B3GLCT: variants seen among roughly 807,000 people sequenced by gnomAD.
B3GLCT encodes the protein beta 3-glucosyltransferase.
In B3GLCT, 65 loss-of-function variants were observed where a neutral mutation model predicts 63.4. That is an observed-to-expected ratio of 1.03 (90% CI 0.84 to 1.26). The LOEUF is 1.26. Ranked by LOEUF, B3GLCT falls within the 50% of genes most tolerant of loss-of-function variation. The pLI is 0.00. For missense variants in B3GLCT, 577 were observed against 604.8 expected, an observed-to-expected ratio of 0.95 and a Z score of 0.48; for synonymous variants, 233 against 219.2, an observed-to-expected ratio of 1.06 and a Z score of -0.55.
At chr13:31,256,836 G>A (rs1871769450) in intron 6 of B3GLCT, among the ~76,000 whole-genome samples, 1 of 151,954 alleles carries the variant, frequency 6.6e-6, no homozygotes, top group Admixed American at 6.6e-5. Flanking sequence ...ACAGGTTGAT[G>A]GGTGCAGCAA....
At chr13:31,219,983 C>T (rs563720941) in intron 2 of B3GLCT, among the ~76,000 whole-genome samples, 1 of 152,328 alleles carries the variant, frequency 6.6e-6, no homozygotes, top group African/African-American at 2.4e-5. Flanking sequence ...GTTCAACCTA[C>T]AACACAATCC....
intron 12 of B3GLCT, among the ~76,000 whole-genome samples, chr13:31,290,018 C>A (rs558342041): frequency 6.6e-6 from 1 of 152,214 alleles, no homozygotes; most frequent in South Asian, 2.1e-4. Flanking sequence ...CCTCCCCTAG[C>A]CACCCCACCT....
chr13:31,321,026 T>A (rs1448833487), intron 13 of B3GLCT, among the ~76,000 whole-genome samples: 1 of 152,272 alleles, frequency 6.6e-6, no homozygotes, highest in Non-Finnish European at 1.5e-5. Context: ...TTTACTTTTC[T>A]ATTTTCCACT....
intron 6 of B3GLCT, among the ~76,000 whole-genome samples, chr13:31,248,981 C>T (rs1055803856): frequency 6.6e-6 from 1 of 152,172 alleles, no homozygotes; most frequent in Non-Finnish European, 1.5e-5. Flanking sequence ...ACAACCTGAT[C>T]ACTTTTTGGA....
At chr13:31,247,360 TCTGCCTCATGGGTTCAAGCAATTCC>T (rs1871243535) in intron 5 of B3GLCT, among the ~76,000 whole-genome samples, 2 of 152,124 alleles carry the variant, frequency 1.3e-5, no homozygotes, top group African/African-American at 4.8e-5. Flanking sequence ...TCCTGCAAGC[TCTGCCTCATGGGTTCAAGCAATTCC>T]CTGCCTCAGC....
chr13:31,201,209 C>T (rs1655010036), intron 1 of B3GLCT, among the ~76,000 whole-genome samples: 1 of 152,034 alleles, frequency 6.6e-6, no homozygotes, highest in Non-Finnish European at 1.5e-5. Flanking sequence ...AAAGACGTAG[C>T]GTTATTGCGC....
In B3GLCT at chr13:31,228,090, G is replaced by A. The variant is rs7326021; in HGVS notation, c.161-1095G>A. ...TACTCGGGTTTCCTTCCTGTTCGCC[G>A]TTGTAAAAAGCTGGCTGCCTTCAGG... On this transcript the variant is annotated intron_variant, in intron 3 of 14. Coordinates refer to ENST00000343307, the MANE Select transcript of B3GLCT (RefSeq NM_194318.4). Among the ~76,000 whole-genome samples, 817 of 152,300 alleles carry A rather than the reference G, an allele frequency of 5.4e-3. 11 individuals carry two copies. Among genetic ancestry groups the A allele is most frequent in the African/African-American group, 0.019 (794 of 41,554 alleles).
At position 31,281,058 on chromosome 13, in the gene B3GLCT, C is replaced by G. The variant is rs571258316; in HGVS notation, c.851-3590C>G. ...CTGTGTGACCTGAGCTGTCAGAAAACCTTAAGAATTTTCTTTGCATCATTT... is the reference window on the plus strand; with the variant it reads ...CTGTGTGACCTGAGCTGTCAGAAAAGCTTAAGAATTTTCTTTGCATCATTT... On this transcript the variant is annotated intron_variant, in intron 10 of 14. Coordinates refer to ENST00000343307, the MANE Select transcript of B3GLCT (RefSeq NM_194318.4). Among the ~76,000 whole-genome samples the G allele has an allele frequency of 2.0e-5, 3 of 152,220 alleles. No individual in the cohort carries two copies. In the East Asian group the frequency reaches 5.8e-4, roughly 29 times the overall value.
chr13:31,241,497 T>C (rs1870941775), intron 4 of B3GLCT, among the ~76,000 whole-genome samples: 1 of 152,090 alleles, frequency 6.6e-6, no homozygotes, highest in Admixed American at 6.6e-5. Context: ...TGTAGGTCAC[T>C]GTAGACTGTG....
chr13:31,240,411 A>G (rs1193683069), intron 4 of B3GLCT, among the ~76,000 whole-genome samples: 11 of 151,934 alleles, frequency 7.2e-5, no homozygotes, highest in Admixed American at 7.2e-4. Flanking sequence ...TGCTGTTTGC[A>G]GAAAGTTTTG....
At chr13:31,213,030 GTGTGTGCACGCGTGCGCGTGTGTGTGTA>G (rs1223223448) in intron 1 of B3GLCT, among the ~76,000 whole-genome samples, 2 of 150,418 alleles carry the variant, frequency 1.3e-5, no homozygotes, top group African/African-American at 5.0e-5. Context: ...GTGTGTGTGT[GTGTGTGCACGCGTGCGCGTGTGTGTGTA>G]TGTGTGTGTA....
intron 8 of B3GLCT, among the ~76,000 whole-genome samples, chr13:31,271,717 T>A (rs1872580639): frequency 6.6e-6 from 1 of 152,220 alleles, no homozygotes; most frequent in Non-Finnish European, 1.5e-5. Flanking sequence ...TATTTTCTTC[T>A]TTACTTCATT....
chr13:31,238,517 G>A (rs927952512), intron 4 of B3GLCT, among the ~76,000 whole-genome samples: 2 of 152,210 alleles, frequency 1.3e-5, no homozygotes, highest in African/African-American at 2.4e-5. Context: ...ATCATTCTAA[G>A]TTGCTCTGTC....
intron 12 of B3GLCT, among the ~76,000 whole-genome samples, chr13:31,298,075 C>T (rs1593305937): frequency 6.6e-6 from 1 of 152,190 alleles, no homozygotes; most frequent in South Asian, 2.1e-4. Flanking sequence ...TTTCCCCTCC[C>T]AGGAGATTGG....
chr13:31,208,481 C>T (rs1296083850), intron 1 of B3GLCT, among the ~76,000 whole-genome samples: 1 of 152,122 alleles, frequency 6.6e-6, no homozygotes, highest in Non-Finnish European at 1.5e-5. Context: ...TGCGTATCCT[C>T]AGGACGCTGG....
At chr13:31,225,723 C>G (rs1593255939) in intron 3 of B3GLCT, among the ~76,000 whole-genome samples, 1 of 152,162 alleles carries the variant, frequency 6.6e-6, no homozygotes, top group Non-Finnish European at 1.5e-5. Context: ...CCCAAACTTT[C>G]ACTGCTCCCT....
Position 31,314,193 on chromosome 13 carries a change from G to A in B3GLCT, c.1065-3373G>A, listed in dbSNP as rs1035778435. Among the ~76,000 whole-genome samples the A allele has an allele frequency of 2.6e-5, 4 of 152,166 alleles. No individual in the cohort carries two copies. In the East Asian group the frequency reaches 7.7e-4, roughly 29 times the overall value. ...TGGGGAAGGGAAATATGAGGTCAGA[G>A]CCCCCACACAGAGTCCCTACTGGGG... On this transcript the variant is annotated intron_variant, in intron 12 of 14. Transcript: ENST00000343307.
intron 4 of B3GLCT, among the ~76,000 whole-genome samples, chr13:31,242,482 C>T (rs1424892707): frequency 6.6e-6 from 1 of 152,212 alleles, no homozygotes; most frequent in Admixed American, 6.5e-5. Context: ...TCATCACATG[C>T]TTACCACATG....
intron 6 of B3GLCT, among the ~76,000 whole-genome samples, chr13:31,258,270 A>G (rs1477762536): frequency 6.6e-6 from 1 of 152,212 alleles, no homozygotes; most frequent in East Asian, 1.9e-4. Flanking sequence ...TCCGTCTTCA[A>G]TCTTCCTCAT....
Sources: gnomAD v4.1 joint callset for allele counts (sites outside exome capture counted in the v4.1 genomes callset) on GRCh38, gnomAD v4.1.1 for gene constraint, MANE v1.5 for transcripts, NCBI Gene and HGNC (gene_info 2026-07-23, HGNC 2026-07-21) for gene names.